AFF1: variants seen among roughly 807,000 people sequenced by gnomAD.
AFF1 encodes the protein AF4/FMR2 family member 1.
In AFF1, 48 loss-of-function variants were observed where a neutral mutation model predicts 121.7. The observed-to-expected ratio is 0.39, with a 90% CI of 0.31 to 0.50. The LOEUF (loss-of-function observed/expected upper bound fraction) is 0.50, where lower values mean the gene tolerates loss of function less well. AFF1 is among the 20% of genes least tolerant of loss of function. The pLI, the probability that AFF1 is intolerant of heterozygous loss-of-function variation, is 0.76. For missense variants in AFF1, 1,523 were observed against 1,511.7 expected, an observed-to-expected ratio of 1.01 and a Z score of -0.12; for synonymous variants, 613 against 563.0, an observed-to-expected ratio of 1.09 and a Z score of -1.26.
chr4:87,130,075 A>G (rs1182278066), intron 16 of AFF1, among the ~76,000 whole-genome samples: 1 of 151,412 alleles, frequency 6.6e-6, no homozygotes, highest in Non-Finnish European at 1.5e-5. Flanking sequence ...CCCATATTCA[A>G]GCGACTCTCC....
intron 2 of AFF1, among the ~76,000 whole-genome samples, chr4:86,962,980 A>G (rs1169037072): frequency 2.0e-5 from 3 of 152,096 alleles, no homozygotes; most frequent in Non-Finnish European, 4.4e-5. Context: ...AGCCTGGGCA[A>G]CATGGTGAAA....
At chr4:86,953,386 A>C (rs944738770) in intron 2 of AFF1, among the ~76,000 whole-genome samples, 3 of 152,234 alleles carry the variant, frequency 2.0e-5, no homozygotes, top group African/African-American at 7.2e-5. Context: ...TTGCAAAGGA[A>C]ACAGATGTGT....
intron 2 of AFF1, among the ~76,000 whole-genome samples, chr4:87,040,089 G>A (rs983885538): frequency 3.9e-5 from 6 of 152,000 alleles, no homozygotes; most frequent in Non-Finnish European, 7.4e-5. Context: ...ACAGGGTTTC[G>A]CCATGTGGGC....
intron 2 of AFF1, among the ~76,000 whole-genome samples, chr4:87,021,185 C>T (rs571866611): frequency 6.6e-6 from 1 of 152,272 alleles, no homozygotes; most frequent in South Asian, 2.1e-4. Context: ...AACTTGGGGC[C>T]TTGTAATAGG....
intron 2 of AFF1, among the ~76,000 whole-genome samples, chr4:87,045,542 CG>C (rs1560569441): frequency 6.6e-6 from 1 of 151,646 alleles, no homozygotes; most frequent in African/African-American, 2.4e-5. Flanking sequence ...CGTTCTCCGT[CG>C]GTAGAGCTGA....
At chr4:87,112,130 T>G (rs1440361804) in intron 11 of AFF1, among the ~76,000 whole-genome samples, 2 of 152,226 alleles carry the variant, frequency 1.3e-5, no homozygotes, top group Non-Finnish European at 2.9e-5. Context: ...GCAAGTGATG[T>G]ATCTCACTAC....
rs1728223318 is a variant in AFF1, at chr4:87,126,164, C to T, written c.2639C>T (p.Ser880Phe). 8 of 1,614,054 alleles carry T rather than the reference C, an allele frequency of 5.0e-6. No individual in the cohort carries two copies. Among genetic ancestry groups the T allele is most frequent in the Non-Finnish European group, 6.8e-6 (8 of 1,180,032 alleles). The change falls in exon 14 of 21, where the codon TCC (serine) becomes TTC (phenylalanine). Residue 880 changes from serine (S) to phenylalanine (F), a missense_variant. Ser to Phe is a radical substitution (Grantham distance 155). Coordinates refer to ENST00000395146, the MANE Select transcript of AFF1 (RefSeq NM_001166693.3). ...EMLPPPPVSS[S>F]SQKPAKPALK... ...CTCCCCCCGCCACCCGTGTCCTCGTCCTCCCAGAAGCCAGCCAAGCCTGCA... is the reference window on the plus strand; with the variant it reads ...CTCCCCCCGCCACCCGTGTCCTCGTTCTCCCAGAAGCCAGCCAAGCCTGCA...
intron 2 of AFF1, among the ~76,000 whole-genome samples, chr4:86,992,369 T>A (rs1348879426): frequency 6.6e-6 from 1 of 152,186 alleles, no homozygotes; most frequent in Non-Finnish European, 1.5e-5. Flanking sequence ...CTCAGTAAAT[T>A]CATATTACTT....
intron 12 of AFF1, among the ~76,000 whole-genome samples, chr4:87,119,936 C>T (rs1311448161): frequency 2.0e-5 from 3 of 152,196 alleles, no homozygotes; most frequent in Admixed American, 1.3e-4. Flanking sequence ...TCCCTTCCAT[C>T]CAAGATCTGA....
chr4:86,999,955 A>T (rs184128704), intron 2 of AFF1, among the ~76,000 whole-genome samples: 2 of 152,288 alleles, frequency 1.3e-5, no homozygotes, highest in Non-Finnish European at 2.9e-5. Context: ...ATCCTGTAGT[A>T]ACAGAAAGGA....
Position 87,047,253 on chromosome 4 carries a change from A to G in AFF1, c.718A>G (p.Ser240Gly). 1 of 1,614,220 alleles carries G rather than the reference A, an allele frequency of 6.2e-7. No individual in the cohort carries two copies. Among genetic ancestry groups the G allele is most frequent in the Non-Finnish European group, 8.5e-7 (1 of 1,180,042 alleles). ...RTQGSSKVHG[S>G]SNNSKGYCPA... The stretch of plus-strand genomic sequence containing the variant: ...GCAAGGAAGCAGCAAGGTTCATGGC[A>G]GCAGCAATAACAGTAAAGGCTATTG... The change falls in exon 4 of 21, where the codon AGC (serine) becomes GGC (glycine). Residue 240 changes from serine (S) to glycine (G), a missense_variant. This residue lies in a region of AFF1 where 369 missense variants were observed against 367.2 expected (regional missense o/e 1.00). Coordinates refer to ENST00000395146, the MANE Select transcript of AFF1 (RefSeq NM_001166693.3).
At chr4:87,103,510 T>C (rs1725625777) in intron 8 of AFF1, among the ~76,000 whole-genome samples, 1 of 152,212 alleles carries the variant, frequency 6.6e-6, no homozygotes, top group Non-Finnish European at 1.5e-5. Context: ...TTTGCAATCT[T>C]CCTTCAGAGA....
At chr4:87,077,356 G>C (rs1386728599) in intron 4 of AFF1, among the ~76,000 whole-genome samples, 1 of 152,120 alleles carries the variant, frequency 6.6e-6, no homozygotes, top group Non-Finnish European at 1.5e-5. Context: ...AGAGCACCAA[G>C]GTGTAAGCTG....
In AFF1 at chr4:87,007,562, T is replaced by C; in HGVS notation, c.39-38604T>C. On this transcript the variant is annotated intron_variant, in intron 2 of 20. Transcript: ENST00000395146. Reference sequence around the variant, plus strand: ...TGCCTTCTCATCATTCCCGAGGCTGTGGCTTGACTAAATGTCAGATAAAAA... The same window carrying C: ...TGCCTTCTCATCATTCCCGAGGCTGCGGCTTGACTAAATGTCAGATAAAAA... 2.5e-6 allele frequency: 3 copies of C among 1,184,188 alleles called. No homozygotes were observed. In the East Asian group the frequency reaches 7.4e-5, roughly 29 times the overall value. 73.4% of individuals were successfully genotyped at this position (1,184,188 alleles called of 1,614,324 possible). A position where few individuals can be genotyped will look rare whatever the true frequency, so the allele number is the denominator to read the frequency against.
intron 8 of AFF1, among the ~76,000 whole-genome samples, chr4:87,102,886 C>T (rs1157078642): frequency 2.0e-5 from 3 of 152,142 alleles, no homozygotes; most frequent in Admixed American, 2.0e-4. Flanking sequence ...TCACATTCAA[C>T]GACTGATTCT....
chr4:87,101,044 A>G (rs947558499), intron 8 of AFF1, among the ~76,000 whole-genome samples: 6 of 152,194 alleles, frequency 3.9e-5, no homozygotes. Flanking sequence ...TTGTTACCCC[A>G]TAATTCCTGT....
chr4:87,012,926 A>G (rs747218081), intron 2 of AFF1, among the ~76,000 whole-genome samples: 35 of 152,064 alleles, frequency 2.3e-4, no homozygotes, highest in Non-Finnish European at 4.6e-4. Flanking sequence ...CACAGAGCCA[A>G]CAGACCTGGC....
intron 5 of AFF1, among the ~76,000 whole-genome samples, chr4:87,087,857 T>G (rs971574263): frequency 6.0e-5 from 9 of 149,144 alleles, no homozygotes; most frequent in Admixed American, 4.7e-4. Flanking sequence ...ACCTTCTCAA[T>G]TAATTATTAC....
chr4:87,109,064 G>A (rs1490061145), intron 11 of AFF1, among the ~76,000 whole-genome samples: 1 of 152,178 alleles, frequency 6.6e-6, no homozygotes, highest in African/African-American at 2.4e-5. Context: ...GGGTAGCATT[G>A]TAAAAGTTAT....
Sources: allele counts gnomAD v4.1 joint callset (sites outside exome capture counted in the v4.1 genomes callset), GRCh38; gene constraint gnomAD v4.1.1; regional missense constraint gnomAD v4.1.1; transcripts MANE v1.5; gene names NCBI Gene and HGNC (gene_info 2026-07-23, HGNC 2026-07-21).